MAP2: variants seen among roughly 807,000 people sequenced by gnomAD.
The protein encoded by MAP2 is microtubule associated protein 2.
Under a neutral mutation model 137.6 loss-of-function variants are expected in MAP2, and 14 were observed. The ratio of observed to expected loss-of-function variants is 0.10; its 90% CI spans 0.07 to 0.16. MAP2 has a LOEUF of 0.16. MAP2 is among the 10% of genes least tolerant of loss of function. The probability of loss-of-function intolerance (pLI) is 1.00; values close to 1 mark genes in which losing one functional copy is unlikely to be tolerated. For synonymous variants in MAP2, 786 were observed against 782.3 expected, an observed-to-expected ratio of 1.00 and a Z score of -0.08; for missense variants, 2,088 against 2,191.5, an observed-to-expected ratio of 0.95 and a Z score of 0.94.
At chr2:209,553,147 G>C (rs887394866) in intron 2 of MAP2, among the ~76,000 whole-genome samples, 4 of 151,722 alleles carry the variant, frequency 2.6e-5, no homozygotes, top group Admixed American at 1.3e-4. Context: ...GAGTAGCTCG[G>C]ACTACAGGCA....
intron 6 of MAP2, among the ~76,000 whole-genome samples, chr2:209,679,362 GA>G: frequency 6.6e-6 from 1 of 150,428 alleles, no homozygotes. Flanking sequence ...TAGATAGATA[GA>G]TAGGCAGATA....
intron 3 of MAP2, among the ~76,000 whole-genome samples, chr2:209,602,421 A>G (rs1176752634): frequency 6.6e-6 from 1 of 152,222 alleles, no homozygotes; most frequent in Admixed American, 6.6e-5. Context: ...TTGATTTCAC[A>G]TGCTTCTCCT....
intron 1 of MAP2, among the ~76,000 whole-genome samples, chr2:209,435,958 G>A (rs1424317631): frequency 1.2e-4 from 17 of 136,276 alleles, no homozygotes; most frequent in Non-Finnish European, 2.2e-4. Flanking sequence ...TATATATACA[G>A]TATATATTAT....
intron 2 of MAP2, among the ~76,000 whole-genome samples, chr2:209,566,165 G>C (rs2073366669): frequency 1.3e-5 from 2 of 152,154 alleles, no homozygotes; most frequent in Admixed American, 6.5e-5. Flanking sequence ...AGACTGAACT[G>C]CATTGATTTG....
intron 2 of MAP2, among the ~76,000 whole-genome samples, chr2:209,537,734 C>A (rs1188311799): frequency 5.1e-4 from 77 of 152,074 alleles, no homozygotes; most frequent in Non-Finnish European, 2.9e-5. Context: ...TCTAATAAAT[C>A]CTGGACTTAG....
At chr2:209,594,926 A>G (rs1173586917) in intron 3 of MAP2, among the ~76,000 whole-genome samples, 2 of 152,200 alleles carry the variant, frequency 1.3e-5, no homozygotes, top group Non-Finnish European at 2.9e-5. Flanking sequence ...TCATGGATCC[A>G]GAGTAACAAG....
intron 1 of MAP2, among the ~76,000 whole-genome samples, chr2:209,461,714 G>T (rs186401094): frequency 6.6e-6 from 1 of 152,284 alleles, no homozygotes; most frequent in Admixed American, 6.5e-5. Context: ...CTCCCAAAGT[G>T]CTGGGATGAC....
At chr2:209,543,520 A>G (rs2067420846) in intron 2 of MAP2, among the ~76,000 whole-genome samples, 2 of 152,250 alleles carry the variant, frequency 1.3e-5, no homozygotes. Context: ...GCAAAGTGCA[A>G]TAAAATGAGG....
intron 4 of MAP2, among the ~76,000 whole-genome samples, chr2:209,642,668 C>T (rs1170842415): frequency 6.6e-6 from 1 of 151,986 alleles, no homozygotes; most frequent in Non-Finnish European, 1.5e-5. Context: ...ATGAGTCATC[C>T]TTATAGGTAT....
At chr2:209,435,668 A>C (rs946738976) in intron 1 of MAP2, among the ~76,000 whole-genome samples, 1 of 151,582 alleles carries the variant, frequency 6.6e-6, no homozygotes, top group Non-Finnish European at 1.5e-5. Flanking sequence ...TTGGGGAAAG[A>C]TAGTGGCCTG....
chr2:209,636,535 G>A (rs969310991), intron 4 of MAP2, among the ~76,000 whole-genome samples: 3 of 148,366 alleles, frequency 2.0e-5, no homozygotes, highest in Non-Finnish European at 3.0e-5. Flanking sequence ...GAAAATTATA[G>A]TACAATATAA....
intron 2 of MAP2, among the ~76,000 whole-genome samples, chr2:209,541,572 A>G (rs2067050576): frequency 6.9e-6 from 1 of 144,526 alleles, no homozygotes; most frequent in South Asian, 2.1e-4. Flanking sequence ...TCAAATTTGG[A>G]GTCAATCCAC....
intron 2 of MAP2, among the ~76,000 whole-genome samples, chr2:209,559,005 A>C (rs372117291): frequency 3.3e-5 from 5 of 152,062 alleles, no homozygotes; most frequent in African/African-American, 1.2e-4. Context: ...AGGCCATGGG[A>C]ATATCCTGTT....
intron 3 of MAP2, among the ~76,000 whole-genome samples, chr2:209,585,726 T>C (rs938650547): frequency 5.9e-5 from 9 of 152,200 alleles, no homozygotes; most frequent in African/African-American, 2.2e-4. Context: ...TGTAGTGGAA[T>C]AGTTTGTATA....
At chr2:209,637,415 C>T (rs1182546715) in intron 4 of MAP2, among the ~76,000 whole-genome samples, 2 of 151,952 alleles carry the variant, frequency 1.3e-5, no homozygotes, top group African/African-American at 4.8e-5. Flanking sequence ...TGCACTCCAG[C>T]CTGGGCAATA....
chr2:209,623,838 G>A (rs2091776767), intron 3 of MAP2, among the ~76,000 whole-genome samples: 1 of 152,138 alleles, frequency 6.6e-6, no homozygotes, highest in Non-Finnish European at 1.5e-5. Flanking sequence ...AGGGAATGGA[G>A]AATTCTACCA....
chr2:209,510,005 G>A lies in MAP2; in HGVS notation c.-172+2364G>A, dbSNP rs373289403. On this transcript the variant is annotated intron_variant, in intron 2 of 15. Coordinates refer to ENST00000682079, the MANE Select transcript of MAP2 (RefSeq NM_001375505.1). ...ATATTACTGAATTTAGACTGGAAACGTGTTTTAATCTCCTAAAGTTATTAC... is the reference window on the plus strand; with the variant it reads ...ATATTACTGAATTTAGACTGGAAACATGTTTTAATCTCCTAAAGTTATTAC... 1.0e-4 allele frequency among the ~76,000 whole-genome samples: 15 copies of A among 145,970 alleles called. No homozygotes were observed. The East Asian group carries it at 2.4e-3, about 23-fold the overall frequency.
intron 1 of MAP2, among the ~76,000 whole-genome samples, chr2:209,495,555 T>A (rs2059649261): frequency 6.6e-6 from 1 of 152,054 alleles, no homozygotes; most frequent in African/African-American, 2.4e-5. Context: ...GGGTCTGGAG[T>A]GGACCTCCAG....
chr2:209,542,130 T>C (rs1375053125), intron 2 of MAP2, among the ~76,000 whole-genome samples: 4 of 152,250 alleles, frequency 2.6e-5, no homozygotes, highest in Non-Finnish European at 4.4e-5. Context: ...CATGTTGTAT[T>C]AGCAGACATA....
Sources: allele counts gnomAD v4.1 joint callset (sites outside exome capture counted in the v4.1 genomes callset), GRCh38; gene constraint gnomAD v4.1.1; transcripts MANE v1.5; gene names NCBI Gene and HGNC (gene_info 2026-07-23, HGNC 2026-07-21).